The following PMEPA1 variants were observed in gnomAD, a reference collection of about 807,000 sequenced individuals.
PMEPA1 encodes prostate transmembrane protein, androgen induced 1, also known as protein TMEPAI.
PMEPA1 carries 11 observed loss-of-function variants against 23.0 expected under a neutral mutation model. The ratio of observed to expected loss-of-function variants is 0.48; its 90% CI spans 0.30 to 0.79. The LOEUF is 0.79. PMEPA1 is among the 30% of genes least tolerant of loss of function. PMEPA1 has a pLI of 0.06. For missense variants in PMEPA1, 377 were observed against 390.9 expected, an observed-to-expected ratio of 0.96 and a Z score of 0.30; for synonymous variants, 204 against 166.4, an observed-to-expected ratio of 1.23 and a Z score of -1.74.
intron 1 of PMEPA1, among the ~76,000 whole-genome samples, chr20:57,686,414 C>T (rs200186392): frequency 6.6e-6 from 1 of 152,116 alleles, no homozygotes; most frequent in Non-Finnish European, 1.5e-5. Flanking sequence ...TCCTTCCTGT[C>T]CTCCCTTCCT....
chr20:57,667,293 G>A (rs2071507023), intron 1 of PMEPA1, among the ~76,000 whole-genome samples: 1 of 152,220 alleles, frequency 6.6e-6, no homozygotes, highest in Non-Finnish European at 1.5e-5. Flanking sequence ...GGGCCTCAGG[G>A]TTCAGATCCC....
At position 57,653,198 on chromosome 20, in the gene PMEPA1, C is replaced by T. The variant is rs181968628; in HGVS notation, c.265-112G>A. 2.8e-4 allele frequency: 242 copies of T among 873,040 alleles called. No individual in the cohort carries two copies. The African/African-American group carries it at 3.5e-3, about 13-fold the overall frequency. The allele number at this position is 873,040 out of a possible 1,614,324, so 54.1% of individuals were successfully genotyped here. On this transcript the variant is annotated intron_variant, in intron 2 of 3. Coordinates refer to ENST00000341744, the MANE Select transcript of PMEPA1 (RefSeq NM_020182.5). ...TTACCCTGGAATCAGCTCTTGAACC[C>T]GCCCACCTCTCTGCATCGGAACCAG...
Position 57,662,945 on chromosome 20 carries a change from T to C in PMEPA1, c.110-3248A>G, listed in dbSNP as rs527243541. Among the ~76,000 whole-genome samples, 6 of 152,222 alleles carry C rather than the reference T, an allele frequency of 3.9e-5. No individual in the cohort carries two copies. The East Asian group carries it at 9.7e-4, about 25-fold the overall frequency. On this transcript the variant is annotated intron_variant, in intron 1 of 3. Coordinates refer to ENST00000341744, the MANE Select transcript of PMEPA1 (RefSeq NM_020182.5). ...ATGCAGGGGCAATGGAGGAGGCCCC[T>C]GCAGACTGAATGGGTGTGGACAAAC... is the stretch of plus-strand genomic sequence containing the variant.
At chr20:57,665,007 C>A (rs780597749) in intron 1 of PMEPA1, among the ~76,000 whole-genome samples, 8 of 152,192 alleles carry the variant, frequency 5.3e-5, no homozygotes, top group Non-Finnish European at 7.3e-5. Flanking sequence ...CAGTATGACA[C>A]CTGCAGGGGT....
intron 1 of PMEPA1, among the ~76,000 whole-genome samples, chr20:57,663,682 G>A (rs1227379270): frequency 2.0e-5 from 3 of 152,222 alleles, no homozygotes; most frequent in African/African-American, 4.8e-5. Flanking sequence ...GGAGTGCGGG[G>A]CAGAGTGGAG....
intron 1 of PMEPA1, among the ~76,000 whole-genome samples, chr20:57,687,343 C>T (rs2071814703): frequency 1.3e-5 from 2 of 152,206 alleles, no homozygotes; most frequent in African/African-American, 4.8e-5. Flanking sequence ...CTGACTCAGC[C>T]CTGCCATTTA....
At chr20:57,708,398 T>C (rs1378550410) in intron 1 of PMEPA1, among the ~76,000 whole-genome samples, 1 of 151,796 alleles carries the variant, frequency 6.6e-6, no homozygotes, top group Non-Finnish European at 1.5e-5. Context: ...ACCCGGGAGG[T>C]AGTGGTTCAA....
intron 1 of PMEPA1, among the ~76,000 whole-genome samples, chr20:57,687,563 C>G (rs1190469116): frequency 6.6e-6 from 1 of 152,238 alleles, no homozygotes; most frequent in East Asian, 1.9e-4. Context: ...TTCCTCTCCC[C>G]ACTGCACCAG....
chr20:57,681,116 T>C (rs1391019597), intron 1 of PMEPA1, among the ~76,000 whole-genome samples: 1 of 152,168 alleles, frequency 6.6e-6, no homozygotes, highest in Non-Finnish European at 1.5e-5. Context: ...CAACCCTGGG[T>C]GCTACCAGGG....
chr20:57,708,860 CAG>C (rs1365493980), intron 1 of PMEPA1, among the ~76,000 whole-genome samples: 1 of 152,098 alleles, frequency 6.6e-6, no homozygotes, highest in Non-Finnish European at 1.5e-5. Context: ...GAAAGACACA[CAG>C]AGAGAGGCAG....
chr20:57,662,815 G>C, intron 1 of PMEPA1, among the ~76,000 whole-genome samples: 1 of 151,852 alleles, frequency 6.6e-6, no homozygotes, highest in East Asian at 1.9e-4. Context: ...CATCAGCCCT[G>C]GAGGGAGGGA....
At chr20:57,698,306 C>T (rs2071968410) in intron 1 of PMEPA1, among the ~76,000 whole-genome samples, 1 of 152,214 alleles carries the variant, frequency 6.6e-6, no homozygotes, top group Admixed American at 6.5e-5. Flanking sequence ...TCTCAATACA[C>T]CCGCCTCTTT....
At chr20:57,689,774 T>C (rs573089657) in intron 1 of PMEPA1, among the ~76,000 whole-genome samples, 1 of 152,210 alleles carries the variant, frequency 6.6e-6, no homozygotes, top group Admixed American at 6.5e-5. Context: ...TCACCCTCTC[T>C]GGGTCTCAGG....
At chr20:57,677,348 C>T (rs765388438) in intron 1 of PMEPA1, among the ~76,000 whole-genome samples, 16 of 152,136 alleles carry the variant, frequency 1.1e-4, no homozygotes, top group Non-Finnish European at 2.1e-4. Context: ...GCACTGAGTA[C>T]GTGTTGGCTG....
intron 1 of PMEPA1, among the ~76,000 whole-genome samples, chr20:57,693,702 AAGG>A (rs2071911549): frequency 6.6e-6 from 1 of 150,624 alleles, no homozygotes; most frequent in African/African-American, 2.5e-5. Context: ...CAATTAAATT[AAGG>A]AGATTTTTTT....
At position 57,651,860 on chromosome 20, in the gene PMEPA1, T is replaced by C. The variant is rs941057540; in HGVS notation, c.*193A>G. 3.0e-5 allele frequency: 12 copies of C among 404,142 alleles called. No individual in the cohort carries two copies. Among genetic ancestry groups the C allele is most frequent in the African/African-American group, 1.9e-4 (9 of 48,242 alleles). The allele number at this position is 404,142 out of a possible 1,614,324, so 25.0% of individuals were successfully genotyped here. On this transcript the variant is annotated 3_prime_UTR_variant, in exon 4 of 4. Transcript: ENST00000341744. The stretch of plus-strand genomic sequence containing the variant: ...GTTTTTTTTTTTCTTTTTTCTTTTT[T>C]TTTTTGCAAGCTCTCTTAGCTTGTG...
intron 1 of PMEPA1, among the ~76,000 whole-genome samples, chr20:57,680,495 A>C (rs538267625): frequency 6.6e-6 from 1 of 152,246 alleles, no homozygotes; most frequent in Non-Finnish European, 1.5e-5. Context: ...ACAGAAAAGA[A>C]TTATTGAGCC....
rs1468273274 is a variant in PMEPA1 at position 57,655,310 on chromosome 20, G to A, written c.265-2224C>T. Among the ~76,000 whole-genome samples, 1 of 152,122 alleles carries A rather than the reference G, an allele frequency of 6.6e-6. No homozygotes were observed. The highest frequency in any genetic ancestry group is 1.5e-5 in the Non-Finnish European group (1 of 68,022). On this transcript the variant is annotated intron_variant, in intron 2 of 3. Transcript: ENST00000341744. This position sits in a 1 kb window ranked among gnomAD's most constrained non-coding sequence, Gnocchi z 4.2. ...CCAGAGCTCTCCGTTAGCCCCCCAG[G>A]CGGGTCAGGCACCTCCTCCCATCTC...
chr20:57,706,902 G>A (rs892633298), intron 1 of PMEPA1, among the ~76,000 whole-genome samples: 1 of 152,170 alleles, frequency 6.6e-6, no homozygotes, highest in African/African-American at 2.4e-5. Flanking sequence ...TGGGTGGGAA[G>A]CCCGGTCCAG....
Sources: allele counts gnomAD v4.1 joint callset (sites outside exome capture counted in the v4.1 genomes callset), GRCh38; gene constraint gnomAD v4.1.1; non-coding constraint Gnocchi (gnomAD v3.1); transcripts MANE v1.5; gene names NCBI Gene and HGNC (gene_info 2026-07-23, HGNC 2026-07-21).